The following PARP10 variants were observed in gnomAD, a reference collection of about 807,000 sequenced individuals.
The protein encoded by PARP10 is protein mono-ADP-ribosyltransferase PARP10.
A neutral mutation model predicts 82.4 loss-of-function variants in PARP10; 56 were observed. The ratio of observed to expected loss-of-function variants is 0.68; its 90% CI spans 0.55 to 0.85. The LOEUF (loss-of-function observed/expected upper bound fraction) is 0.85. Among genes scored for constraint, PARP10 ranks in the 40% least tolerant of loss-of-function variants. The pLI is 0.00. For missense variants in PARP10, 1,227 were observed against 1,379.4 expected (o/e 0.89, Z 1.75); for synonymous variants, 576 against 601.1 (o/e 0.96, Z 0.61).
In PARP10 at chr8:143,984,950, G is replaced by C; in HGVS notation, c.1052C>G (p.Ser351Trp). The change falls in exon 5 of 11, where the codon TCG becomes TGG. Residue 351 changes from serine to tryptophan, a missense_variant. Transcript: ENST00000313028. ...ATGTTCCAGAGACCCCATGGGCATCGAGCTGACTTGCTCTGCCTGTCCCAG... is the reference window on the plus strand; with the variant it reads ...ATGTTCCAGAGACCCCATGGGCATCCAGCTGACTTGCTCTGCCTGTCCCAG... ...GSLGQAEQVS[S>W]MPMGSLEHEG... is the part of the protein sequence containing the mutation. 1.2e-6 allele frequency: 2 copies of C among 1,613,918 alleles called. No homozygotes were observed. The highest frequency in any genetic ancestry group is 1.7e-6 in the Non-Finnish European group (2 of 1,180,006).
rs932140898 is a variant in PARP10 at position 144,009,129 on chromosome 8, C to T, written c.-80+3401G>A. Among the ~76,000 whole-genome samples, 44 of 152,108 alleles carry T rather than the reference C, an allele frequency of 2.9e-4. 1 individual carries two copies. The highest frequency in any genetic ancestry group is 8.7e-4 in the African/African-American group (36 of 41,410). On this transcript the variant is annotated intron_variant, in intron 1 of 3. Transcript: ENST00000530478. ...AAGAGGAACCCGCCTGCAGCTCTGC[C>T]GGCACTTCTCCGTACATCCAAACCT...
upstream of PARP10, among the ~76,000 whole-genome samples, chr8:143,994,821 C>G (rs1444835711): frequency 6.6e-6 from 1 of 152,206 alleles, no homozygotes; most frequent in Admixed American, 6.5e-5. Context: ...AGTTCCTCCT[C>G]TGGGTGCCCG....
At chr8:144,012,621 G>C (rs531736981) in exon 1 of PARP10, 5 of 1,551,730 alleles carry the variant, frequency 3.2e-6, no homozygotes, top group East Asian at 4.9e-5. Context: ...GGAGAATCAC[G>C]AGCTCAAGTC....
At chr8:144,010,834 A>G (rs1278532880) in intron 1 of PARP10, among the ~76,000 whole-genome samples, 1 of 152,180 alleles carries the variant, frequency 6.6e-6, no homozygotes, top group Non-Finnish European at 1.5e-5. Context: ...GCAGTGAACT[A>G]TGATGGTGAC....
At position 143,984,498 on chromosome 8, in the gene PARP10, G is replaced by T. The variant is rs116693317; in HGVS notation, c.1458+46C>A. 9,443 of 1,590,406 alleles carry T rather than the reference G, an allele frequency of 5.9e-3. 494 individuals are homozygous for T. In the African/African-American group the frequency reaches 0.11, roughly 19 times the overall value. On this transcript the variant is annotated intron_variant, in intron 5 of 10. Coordinates refer to ENST00000313028, the MANE Select transcript of PARP10 (RefSeq NM_032789.5). ...ACAGGAAAGGTACTTTGAGTCCCCA[G>T]TAGGAGGAGGGGGCTGAAGGTGAGG...
intron 1 of PARP10, among the ~76,000 whole-genome samples, chr8:143,998,338 T>A (rs1446182148): frequency 6.6e-6 from 1 of 152,178 alleles, no homozygotes; most frequent in African/African-American, 2.4e-5. Flanking sequence ...GACAGAGCTT[T>A]AGCAAAACTA....
At chr8:144,002,753 CA>C (rs1489735192) in intron 1 of PARP10, among the ~76,000 whole-genome samples, 212 of 152,192 alleles carry the variant, frequency 1.4e-3, no homozygotes, top group African/African-American at 4.5e-3. Context: ...GCACTAATTA[CA>C]AAAACATTCA....
chr8:144,009,818 C>G (rs1193687455), intron 1 of PARP10, among the ~76,000 whole-genome samples: 1 of 152,182 alleles, frequency 6.6e-6, no homozygotes, highest in African/African-American at 2.4e-5. Flanking sequence ...CACATCCAAG[C>G]CAACTCCAAG....
At position 144,008,795 on chromosome 8, in the gene PARP10, C is replaced by T. The variant is rs935995626; in HGVS notation, c.-80+3735G>A. On this transcript the variant is annotated intron_variant, in intron 1 of 3. Transcript: ENST00000530478. This position sits in a 1 kb window ranked among gnomAD's most constrained non-coding sequence, Gnocchi z 4.0. ...GAATCTCACTCCCAAACTTGTGGTA[C>T]TCTTTATACCAAGCTCAAACCCAAC... Among the ~76,000 whole-genome samples, 4 of 152,216 alleles carry T rather than the reference C, an allele frequency of 2.6e-5. No individual in the cohort carries two copies. The highest frequency in any genetic ancestry group is 5.9e-5 in the Non-Finnish European group (4 of 68,042).
chr8:143,978,045 A>G lies in PARP10; in HGVS notation c.2593T>C (p.Tyr865His), dbSNP rs1186339341. Residue 865 changes from tyrosine to histidine, a missense_variant, in exon 10 of 11, where the codon TAT becomes CAT. Tyr to His is a moderately conservative substitution (Grantham distance 83). Transcript: ENST00000313028. ...AGCAGGCGCTCCCGGTACAGCTCAT[A>G]CTGCTGCTGCAGCAGCGGGTGCGAC... ...RVSHPLLQQQ[Y>H]ELYRERLLQR... The G allele has an allele frequency of 1.3e-6, 2 of 1,557,470 alleles. No homozygotes were observed. The highest frequency in any genetic ancestry group is 1.8e-5 in the Admixed American group (1 of 55,852).
chr8:143,986,116 TC>T lies in PARP10; in HGVS notation c.119del (p.Gly40AspfsTer4), dbSNP rs879985524. ...YFENRRRSGGGPVLSWQRLGC... is the reference protein window; with the variant it reads ...YFENRRRSGGXPVLSWQRLGC... ...CCAGTCTCTGCCAGCTCAACACAGGTCCCCCTCCAGAGCGTCGGCGGTTTTC... is the reference window on the plus strand; with the variant it reads ...CCAGTCTCTGCCAGCTCAACACAGGTCCCCTCCAGAGCGTCGGCGGTTTTC... On this transcript the variant is annotated frameshift_variant, in exon 2 of 11. Transcript: ENST00000313028. LOFTEE classifies it high-confidence loss of function. The T allele has an allele frequency of 3.7e-6, 6 of 1,613,582 alleles. No homozygotes were observed. The highest frequency in any genetic ancestry group is 5.1e-6 in the Non-Finnish European group (6 of 1,179,886).
upstream of PARP10, among the ~76,000 whole-genome samples, chr8:143,987,723 T>C (rs1305807551): frequency 6.6e-6 from 1 of 152,122 alleles, no homozygotes; most frequent in African/African-American, 2.4e-5. Context: ...AAACCCTGTC[T>C]CTACTAAAAA....
At chr8:143,978,248 T>G (rs1277093163) in intron 9 of PARP10, among the ~76,000 whole-genome samples, 167 bp from the exon 10 acceptor site, 1 of 152,074 alleles carries the variant, frequency 6.6e-6, no homozygotes, top group African/African-American at 2.4e-5. Flanking sequence ...CAGTAACACC[T>G]CCGTGAAGCA....
rs782760652 is a variant in PARP10, at chr8:143,983,764, C to T, written c.1825G>A (p.Gly609Arg). ...LATLEGLDLD[G>R]EDWLPRELEE... Reference sequence around the variant, plus strand: ...AGCTCCCGAGGCAGCCAGTCCTCCCCGTCTAGGTCTAGGCCCTCCAGGGTG... The same window carrying T: ...AGCTCCCGAGGCAGCCAGTCCTCCCTGTCTAGGTCTAGGCCCTCCAGGGTG... The change falls in exon 8 of 11, where the codon GGG becomes AGG. Residue 609 changes from glycine (G) to arginine (R), a missense_variant. Coordinates refer to ENST00000313028, the MANE Select transcript of PARP10 (RefSeq NM_032789.5). 29 of 1,611,372 alleles carry T rather than the reference C, an allele frequency of 1.8e-5. No individual in the cohort carries two copies. Among genetic ancestry groups the T allele is most frequent in the Middle Eastern group, 1.6e-4 (1 of 6,068 alleles).
chr8:143,999,938 C>A (rs1834189776), intron 1 of PARP10, among the ~76,000 whole-genome samples: 1 of 152,024 alleles, frequency 6.6e-6, no homozygotes, highest in Non-Finnish European at 1.5e-5. Context: ...AGTAGGGTCA[C>A]AAATACCCTT....
intron 1 of PARP10, among the ~76,000 whole-genome samples, chr8:144,002,049 G>C (rs1329346031): frequency 6.6e-6 from 1 of 152,082 alleles, no homozygotes; most frequent in Non-Finnish European, 1.5e-5. Context: ...GGGAAAAAAA[G>C]GCAAGAGGGA....
chr8:144,007,170 A>C (rs537275925), intron 1 of PARP10, among the ~76,000 whole-genome samples: 1 of 152,220 alleles, frequency 6.6e-6, no homozygotes, highest in African/African-American at 2.4e-5. Context: ...TAAGCCTTTC[A>C]TGAGGGGTAC....
intron 1 of PARP10, among the ~76,000 whole-genome samples, chr8:143,998,340 G>A (rs554822126): frequency 6.6e-6 from 1 of 152,320 alleles, no homozygotes; most frequent in African/African-American, 2.4e-5. Context: ...CAGAGCTTTA[G>A]CAAAACTACA....
chr8:144,000,975 G>A lies in PARP10; in HGVS notation c.-80+11555C>T, dbSNP rs546611523. Among the ~76,000 whole-genome samples, 10 of 141,186 alleles carry A rather than the reference G, an allele frequency of 7.1e-5. No individual in the cohort carries two copies. In the East Asian group the frequency reaches 2.0e-3, roughly 28 times the overall value. 92.6% of individuals were successfully genotyped at this position (141,186 alleles called of 152,430 possible). On this transcript the variant is annotated intron_variant, in intron 1 of 3. Transcript: ENST00000530478. The stretch of plus-strand genomic sequence containing the variant: ...GTCGCCCAGGCTGGAGTGCAGTGGC[G>A]CGATCTTGGCTCACTGCAAGCTCTG...
Sources: allele counts gnomAD v4.1 joint callset (sites outside exome capture counted in the v4.1 genomes callset), GRCh38; gene constraint gnomAD v4.1.1; non-coding constraint Gnocchi (gnomAD v3.1); transcripts MANE v1.5; gene names NCBI Gene and HGNC (gene_info 2026-07-23, HGNC 2026-07-21).